The following TM7SF2 variants were observed in gnomAD, a reference collection of about 807,000 sequenced individuals.
TM7SF2 encodes the protein transmembrane 7 superfamily member 2.
A neutral mutation model predicts 51.0 loss-of-function variants in TM7SF2; 51 were observed. The ratio of observed to expected loss-of-function variants is 1.00; its 90% CI spans 0.80 to 1.26. The LOEUF is 1.26. TM7SF2 is among the 50% of genes most tolerant of loss of function. The pLI, the probability that TM7SF2 is intolerant of heterozygous loss-of-function variation, is 0.00. For missense variants in TM7SF2, 541 were observed against 547.4 expected, an observed-to-expected ratio of 0.99 and a Z score of 0.12; for synonymous variants, 255 against 241.0, an observed-to-expected ratio of 1.06 and a Z score of -0.54.
intron 9 of TM7SF2, 34 bp downstream of exon 9, chr11:65,115,632 G>A (rs1262159429): frequency 1.2e-6 from 2 of 1,612,270 alleles, no homozygotes; most frequent in Admixed American, 1.7e-5. Context: ...GTAGGGACAT[G>A]TGAGGGGAAG....
intron 1 of TM7SF2, chr11:65,112,294 G>A: frequency 3.1e-6 from 2 of 650,606 alleles, no homozygotes; most frequent in Non-Finnish European, 5.1e-6. Flanking sequence ...GGAGCAGGAG[G>A]AGGGTCTTCG....
rs771043618 is a variant in TM7SF2 at position 65,116,044 on chromosome 11, C to T, written c.1248C>T (p.Tyr416=). ...GTGTGCCTTACCGCATCATGCCCTACATCTACTGAAGCGGCTCCACCACCC... is the reference window on the plus strand; with the variant it reads ...GTGTGCCTTACCGCATCATGCCCTATATCTACTGAAGCGGCTCCACCACCC... ...CRRVPYRIMP[Y]IY Residue 416 remains tyrosine (Y), a synonymous_variant, in exon 10 of 10, where the codon TAC becomes TAT. Coordinates refer to ENST00000279263, the MANE Select transcript of TM7SF2 (RefSeq NM_003273.6). 6 of 1,606,972 alleles carry T rather than the reference C, an allele frequency of 3.7e-6. No individual in the cohort carries two copies. The East Asian group carries it at 1.3e-4, about 36-fold the overall frequency.
intron 7 of TM7SF2, 61 bp from the exon 8 acceptor site, chr11:65,115,253 C>A: frequency 1.9e-6 from 3 of 1,600,184 alleles, no homozygotes; most frequent in Middle Eastern, 2.0e-4. Context: ...GGCAGATGTT[C>A]GGGGTCAGGC....
rs1258714589 is a variant in TM7SF2, at chr11:65,114,821, C to G, written c.712C>G (p.Leu238Val). The G allele has an allele frequency of 1.2e-6, 2 of 1,614,270 alleles. No homozygotes were observed. Among genetic ancestry groups the G allele is most frequent in the South Asian group, 1.1e-5 (1 of 91,088 alleles). The change falls in exon 6 of 10, where the codon CTC becomes GTC. Residue 238 changes from leucine (L) to valine (V), a missense_variant. Coordinates refer to ENST00000279263, the MANE Select transcript of TM7SF2 (RefSeq NM_003273.6). Reference protein sequence around the residue: ...GFQLLYVGDALWHEEAVLTTM... With the variant: ...GFQLLYVGDAVWHEEAVLTTM... ...CCAGTTGCTCTACGTGGGTGATGCC[C>G]TCTGGCACGAGGTGAGGCTGGACTG...
intron 3 of TM7SF2, 64 bp downstream of exon 3, chr11:65,112,929 G>A (rs1053482174): frequency 1.3e-6 from 2 of 1,533,012 alleles, no homozygotes; most frequent in African/African-American, 1.4e-5. Flanking sequence ...CAGGCCTAGC[G>A]GGGAGGTCCA....
chr11:65,112,267 A>G (rs922938510), intron 1 of TM7SF2, 200 bp downstream of exon 1: 12 of 659,314 alleles, frequency 1.8e-5, no homozygotes, highest in African/African-American at 1.5e-4. Context: ...CAGAACGGGG[A>G]TTTATGGTGT....
In TM7SF2 at chr11:65,115,443, C is replaced by T. The variant is rs779686745; in HGVS notation, c.974-33C>T. On this transcript the variant is annotated intron_variant, in intron 8 of 9. Transcript: ENST00000279263. The stretch of plus-strand genomic sequence containing the variant: ...GGGTGAGGTGGGGCAGCTGGGCTTC[C>T]TGGGAACTCTCCACCCTGCTGTCTT... 5 of 1,614,156 alleles carry T rather than the reference C, an allele frequency of 3.1e-6. No individual in the cohort carries two copies. In the East Asian group the frequency reaches 1.1e-4, roughly 36 times the overall value.
intron 7 of TM7SF2, 21 bp from the exon 8 acceptor site, chr11:65,115,293 C>T (rs535893549): frequency 1.2e-5 from 20 of 1,612,320 alleles, no homozygotes; most frequent in Admixed American, 5.0e-5. Context: ...CCTTGACCAC[C>T]GGTTCACACT....
In TM7SF2 at chr11:65,112,804, C is replaced by G; in HGVS notation, c.250-7C>G. ...CGGGCCTTATCAGAGCCCCCTTGGA[C>G]CCGCAGGTGGCCGAGGGGCAGGAAT... is the stretch of plus-strand genomic sequence containing the variant. On this transcript the variant is annotated splice_region_variant and splice_polypyrimidine_tract_variant and intron_variant, in intron 2 of 9. Coordinates refer to ENST00000279263, the MANE Select transcript of TM7SF2 (RefSeq NM_003273.6). 6.5e-7 allele frequency: 1 copy of G among 1,550,316 alleles called. No individual in the cohort carries two copies. Among genetic ancestry groups the G allele is most frequent in the Non-Finnish European group, 8.7e-7 (1 of 1,146,898 alleles).
chr11:65,112,716 G>A lies in TM7SF2; in HGVS notation c.249+5G>A, dbSNP rs1947924531. The stretch of plus-strand genomic sequence containing the variant: ...TACCTACTGCCGGCGCGCAAGGTGC[G>A]GGCCCCGCTCGCGGACGCTCGGGGG... On this transcript the variant is annotated splice_donor_5th_base_variant and intron_variant, in intron 2 of 9. Transcript: ENST00000279263. The A allele has an allele frequency of 1.3e-6, 2 of 1,547,288 alleles. No homozygotes were observed. Among genetic ancestry groups the A allele is most frequent in the African/African-American group, 1.4e-5 (1 of 72,978 alleles).
chr11:65,113,805 A>C (rs1307301337), intron 5 of TM7SF2: 1 of 596,364 alleles, frequency 1.7e-6, no homozygotes, highest in Non-Finnish European at 3.0e-6. Context: ...GAGAGCCTAC[A>C]TTCTGGTGGG....
In TM7SF2 at chr11:65,114,755, C is replaced by G. The variant is rs772488065; in HGVS notation, c.646C>G (p.Arg216Gly). Residue 216 changes from arginine to glycine, a missense_variant, in exon 6 of 10, where the codon CGA becomes GGA. By Grantham distance (125) the Arg-to-Gly change is moderately radical. Transcript: ENST00000279263. ...LALLMKEAEL[R>G]GSPSLAMWLV... ...CCTGTTGATGAAGGAGGCAGAGCTT[C>G]GAGGCAGTCCCTCACTGGCCATGTG... The G allele has an allele frequency of 6.2e-7, 1 of 1,614,238 alleles. No individual in the cohort carries two copies. Among genetic ancestry groups the G allele is most frequent in the Non-Finnish European group, 8.5e-7 (1 of 1,180,038 alleles).
Position 65,113,289 on chromosome 11 carries a change from C to T in TM7SF2, c.374C>T (p.Ala125Val), listed in dbSNP as rs776272038. ...LGMSAGLPLG[A>V]LPEMLLPLAF... ...ATGTCAGCGGGGCTGCCTCTGGGGGCGCTCCCGGAAATGCTCCTGCCCTTG... is the reference window on the plus strand; with the variant it reads ...ATGTCAGCGGGGCTGCCTCTGGGGGTGCTCCCGGAAATGCTCCTGCCCTTG... Residue 125 changes from alanine (A) to valine (V), a missense_variant, in exon 4 of 10, where the codon GCG becomes GTG. Physicochemically the swap from Ala to Val is moderately conservative, Grantham distance 64. Coordinates refer to ENST00000279263, the MANE Select transcript of TM7SF2 (RefSeq NM_003273.6). 3.1e-6 allele frequency: 5 copies of T among 1,611,204 alleles called. No individual in the cohort carries two copies. Among genetic ancestry groups the T allele is most frequent in the Non-Finnish European group, 8.5e-7 (1 of 1,180,014 alleles).
intron 5 of TM7SF2, 34 bp downstream of exon 5, chr11:65,113,628 A>AGG: frequency 9.3e-7 from 1 of 1,071,110 alleles, no homozygotes; most frequent in Non-Finnish European, 1.4e-6. Flanking sequence ...GCCTCAGGCC[A>AGG]GGGGGAGGGT....
At chr11:65,115,156 C>T in intron 7 of TM7SF2, 75 bp downstream of exon 7, 1 of 1,597,118 alleles carries the variant, frequency 6.3e-7, no homozygotes, top group Non-Finnish European at 8.5e-7. Context: ...TTACACGCAC[C>T]ACCACATAGG....
rs546739753 is a variant in TM7SF2, at chr11:65,116,058, G to A, written c.*5G>A. 5.0e-5 allele frequency: 80 copies of A among 1,601,282 alleles called. No homozygotes were observed. Among genetic ancestry groups the A allele is most frequent in the Middle Eastern group, 2.2e-4 (1 of 4,538 alleles). Reference sequence around the variant, plus strand: ...ATCATGCCCTACATCTACTGAAGCGGCTCCACCACCCCAGGTGGGGGCATG... The same window carrying A: ...ATCATGCCCTACATCTACTGAAGCGACTCCACCACCCCAGGTGGGGGCATG... On this transcript the variant is annotated 3_prime_UTR_variant, in exon 10 of 10. Coordinates refer to ENST00000279263, the MANE Select transcript of TM7SF2 (RefSeq NM_003273.6).
rs773709021 is a variant in TM7SF2, at chr11:65,115,372, T to C, written c.951T>C (p.Asn317=). 6.2e-7 allele frequency: 1 copy of C among 1,614,074 alleles called. No individual in the cohort carries two copies. Among genetic ancestry groups the C allele is most frequent in the African/African-American group, 1.3e-5 (1 of 74,934 alleles). ...ANSQKNTFRK[N]PSDPRVAGLE... is the part of the protein sequence containing the mutation. ...CCCAGAAAAACACTTTCCGAAAGAA[T>C]CCTTCTGACCCCAGAGTGGCTGGTG... is the stretch of plus-strand genomic sequence containing the variant. The change falls in exon 8 of 10, where the codon AAT becomes AAC. Residue 317 remains asparagine (N), a synonymous_variant. Transcript: ENST00000279263.
At chr11:65,112,114 A>G in intron 1 of TM7SF2, 47 bp downstream of exon 1, 1 of 1,555,906 alleles carries the variant, frequency 6.4e-7, no homozygotes, top group Admixed American at 2.1e-5. Flanking sequence ...TAAGCGAAGG[A>G]GAGCTGGAGC....
chr11:65,111,967 C>T lies in TM7SF2; in HGVS notation c.-49C>T. On this transcript the variant is annotated 5_prime_UTR_variant, in exon 1 of 10. Transcript: ENST00000279263. ...CTGGGAAATGGGGCGGACAGTGTTTCCTTGACTGACTATTGTGAGCGCCCT... is the reference window on the plus strand; with the variant it reads ...CTGGGAAATGGGGCGGACAGTGTTTTCTTGACTGACTATTGTGAGCGCCCT... 6.4e-7 allele frequency: 1 copy of T among 1,551,810 alleles called. No individual in the cohort carries two copies. The highest frequency in any genetic ancestry group is 1.2e-5 in the South Asian group (1 of 84,440).
Sources: gnomAD v4.1 joint callset for allele counts on GRCh38, gnomAD v4.1.1 for gene constraint, MANE v1.5 for transcripts, NCBI Gene and HGNC (gene_info 2026-07-23, HGNC 2026-07-21) for gene names.